Variants in PDE1A observed in about 807,000 individuals in gnomAD.
PDE1A encodes phosphodiesterase 1A, also known as dual specificity calcium/calmodulin-dependent 3',5'-cyclic nucleotide phosphodiesterase 1A.
A neutral mutation model predicts 61.7 loss-of-function variants in PDE1A; 35 were observed. That is an observed-to-expected ratio of 0.57 (90% CI 0.43 to 0.75). The LOEUF (loss-of-function observed/expected upper bound fraction) is 0.75. Ranked by LOEUF, PDE1A falls within the 30% of genes least tolerant of loss-of-function variation. The pLI, the probability that PDE1A is intolerant of heterozygous loss-of-function variation, is 0.00. For missense variants in PDE1A, 597 were observed against 630.6 expected (o/e 0.95, Z 0.57); for synonymous variants, 232 against 213.2 (o/e 1.09, Z -0.77).
intron 1 of PDE1A, among the ~76,000 whole-genome samples, chr2:182,322,454 C>A (rs956170556): frequency 6.6e-6 from 1 of 152,134 alleles, no homozygotes; most frequent in African/African-American, 2.4e-5. Context: ...TTATAAAGGG[C>A]AGTTCCCCTG....
At chr2:182,209,407 A>G (rs1156549848) in intron 7 of PDE1A, among the ~76,000 whole-genome samples, 1 of 152,010 alleles carries the variant, frequency 6.6e-6, no homozygotes, top group Non-Finnish European at 1.5e-5. Flanking sequence ...TTATGGGATT[A>G]CAATTCAACA....
intron 1 of PDE1A, among the ~76,000 whole-genome samples, chr2:182,372,322 T>C (rs1351109589): frequency 6.6e-6 from 1 of 152,240 alleles, no homozygotes; most frequent in Non-Finnish European, 1.5e-5. Context: ...GGAATTTATC[T>C]TAACTAAAAT....
intron 13 of PDE1A, among the ~76,000 whole-genome samples, chr2:182,183,215 C>A (rs996979847): frequency 6.6e-6 from 1 of 152,082 alleles, no homozygotes; most frequent in East Asian, 1.9e-4. Flanking sequence ...GTAAAGAAGT[C>A]GAGTTTTTTC....
chr2:182,147,245 T>G, intron 13 of PDE1A, 93 bp from the exon 14 acceptor site: 1 of 632,506 alleles, frequency 1.6e-6, no homozygotes, highest in South Asian at 2.2e-5. Flanking sequence ...TTATAAAATG[T>G]TGAAGACTGA....
At chr2:182,690,154 G>A in the PDE1A span, among the ~76,000 whole-genome samples, 1 of 152,160 alleles carries the variant, frequency 6.6e-6, no homozygotes, top group Non-Finnish European at 1.5e-5. Flanking sequence ...AATAGAAAAA[G>A]AGGGAATCCT....
At chr2:182,456,835 C>G (rs887818674) in intron 2 of PDE1A, among the ~76,000 whole-genome samples, 6 of 152,054 alleles carry the variant, frequency 3.9e-5, no homozygotes, top group African/African-American at 1.4e-4. Context: ...AAATTAGTCT[C>G]TATGCTCCAA....
chr2:182,693,031 A>C, the PDE1A span, among the ~76,000 whole-genome samples: 1 of 152,128 alleles, frequency 6.6e-6, no homozygotes, highest in African/African-American at 2.4e-5. Flanking sequence ...TTGAGGTTGC[A>C]GTGAGCTATG....
intron 2 of PDE1A, among the ~76,000 whole-genome samples, chr2:182,494,887 C>A (rs1559512670): frequency 6.6e-6 from 1 of 152,180 alleles, no homozygotes; most frequent in Admixed American, 6.5e-5. Flanking sequence ...CTGAATTTGT[C>A]TCTTGTGAGA....
chr2:182,229,820 CTT>C (rs1343062853), intron 6 of PDE1A, among the ~76,000 whole-genome samples, 184 bp downstream of exon 6: 1 of 150,816 alleles, frequency 6.6e-6, no homozygotes, highest in African/African-American at 2.4e-5. Flanking sequence ...TTTGCACTGA[CTT>C]AAAGTATTTT....
intron 2 of PDE1A, among the ~76,000 whole-genome samples, chr2:182,453,653 C>A (rs1202095168): frequency 1.3e-5 from 2 of 151,350 alleles, no homozygotes; most frequent in Non-Finnish European, 2.9e-5. Context: ...ATAAACAGAA[C>A]CAAAGACAAA....
chr2:182,597,160 A>T, the PDE1A span, among the ~76,000 whole-genome samples: 1 of 123,088 alleles, frequency 8.1e-6, no homozygotes, highest in African/African-American at 5.5e-5. Flanking sequence ...TCAAAAATTA[A>T]AAAAAAAAAA....
chr2:182,665,928 G>A, the PDE1A span, among the ~76,000 whole-genome samples: 1 of 152,158 alleles, frequency 6.6e-6, no homozygotes, highest in Non-Finnish European at 1.5e-5. Context: ...AACATGGATA[G>A]AGCTGGAAGT....
rs558265255 is a variant in PDE1A, at chr2:182,360,800, T to C, written c.53+65778A>G. On this transcript the variant is annotated intron_variant, in intron 1 of 13. Transcript: ENST00000351439. ...CCCAACAAGTCATAATTCAGCCCTG[T>C]ACTCAGTTGATCTGCTGTATGGATT... Among the ~76,000 whole-genome samples the C allele has an allele frequency of 2.7e-4, 41 of 152,112 alleles. No individual in the cohort carries two copies. In the South Asian group the frequency reaches 7.5e-3, roughly 28 times the overall value.
chr2:182,228,652 G>A (rs1356556260), intron 6 of PDE1A, among the ~76,000 whole-genome samples: 2 of 152,142 alleles, frequency 1.3e-5, no homozygotes. Flanking sequence ...CAAGCTGACA[G>A]TGTAACCTAG....
chr2:182,543,112 C>A, the PDE1A span, among the ~76,000 whole-genome samples: 1 of 152,062 alleles, frequency 6.6e-6, no homozygotes, highest in South Asian at 2.1e-4. Context: ...GAAAGGGTAG[C>A]CATCAGAGGA....
the PDE1A span, among the ~76,000 whole-genome samples, chr2:182,568,027 TTGACCTCA>T: frequency 6.6e-6 from 1 of 152,082 alleles, no homozygotes; most frequent in South Asian, 2.1e-4. Context: ...TCTTGACCTC[TTGACCTCA>T]TGATTCACCT....
At chr2:182,292,126 TATA>T (rs1694576069) in intron 1 of PDE1A, among the ~76,000 whole-genome samples, 1 of 152,148 alleles carries the variant, frequency 6.6e-6, no homozygotes, top group Non-Finnish European at 1.5e-5. Context: ...GAAATATTCA[TATA>T]ATTGGATATG....
chr2:182,653,554 C>T, the PDE1A span, among the ~76,000 whole-genome samples: 1 of 152,110 alleles, frequency 6.6e-6, no homozygotes, highest in Non-Finnish European at 1.5e-5. Flanking sequence ...TCTGTAAGTG[C>T]TTGAATGAGG....
intron 2 of PDE1A, among the ~76,000 whole-genome samples, chr2:182,470,174 A>G (rs1416394970): frequency 1.3e-5 from 2 of 151,900 alleles, no homozygotes; most frequent in Non-Finnish European, 2.9e-5. Context: ...ATATCTGTGA[A>G]GTGCAGTAAA....
Sources: gnomAD v4.1 joint callset for allele counts (sites outside exome capture counted in the v4.1 genomes callset) on GRCh38, gnomAD v4.1.1 for gene constraint, MANE v1.5 for transcripts, NCBI Gene and HGNC (gene_info 2026-07-23, HGNC 2026-07-21) for gene names.